Variants in HERC5 observed in about 807,000 individuals in gnomAD.
HERC5 encodes the protein E3 ISG15--protein ligase HERC5.
HERC5 carries 99 observed loss-of-function variants against 119.6 expected under a neutral mutation model. That is an observed-to-expected ratio of 0.83 (90% CI 0.70 to 0.98). The LOEUF is 0.98. Among genes scored for constraint, HERC5 ranks in the 50% least tolerant of loss-of-function variants. HERC5 has a pLI of 0.00. For synonymous variants in HERC5, 478 were observed against 445.9 expected, an observed-to-expected ratio of 1.07 and a Z score of -0.91; for missense variants, 1,267 against 1,241.3, an observed-to-expected ratio of 1.02 and a Z score of -0.31.
chr4:88,492,937 C>T (rs1741692445), intron 16 of HERC5, 75 bp from the exon 17 acceptor site: 17 of 1,396,598 alleles, frequency 1.2e-5, no homozygotes, highest in Middle Eastern at 3.6e-4. Flanking sequence ...TAGCTATTTA[C>T]TATTATTAAA....
rs374210638 is a variant in HERC5 at position 88,467,207 on chromosome 4, A to T, written c.1057+3A>T. ...ATCAAGTGAAGAACTCAAACTTGGT[A>T]AATTCTATAGGAACATAGGGTTTGG... On this transcript the variant is annotated splice_donor_region_variant and intron_variant, in intron 7 of 22. Coordinates refer to ENST00000264350, the MANE Select transcript of HERC5 (RefSeq NM_016323.4). 1.9e-6 allele frequency: 3 copies of T among 1,613,876 alleles called. No homozygotes were observed. Among genetic ancestry groups the T allele is most frequent in the Non-Finnish European group, 2.5e-6 (3 of 1,179,900 alleles).
At chr4:88,469,674 T>C (rs1265678848) in intron 9 of HERC5, among the ~76,000 whole-genome samples, 1 of 152,212 alleles carries the variant, frequency 6.6e-6, no homozygotes, top group Non-Finnish European at 1.5e-5. Context: ...TTATGGAAGG[T>C]CCTTTCTTTT....
At chr4:88,498,383 C>A (rs896905860) in intron 18 of HERC5, among the ~76,000 whole-genome samples, 3 of 152,154 alleles carry the variant, frequency 2.0e-5, no homozygotes, top group African/African-American at 7.2e-5. Context: ...CTTAGGAGCC[C>A]AACCCCAAAC....
At position 88,484,424 on chromosome 4, in the gene HERC5, TTCTGCCAG is replaced by T. The variant is rs374330750; in HGVS notation, c.1738-1690_1738-1683del. On this transcript the variant is annotated intron_variant, in intron 13 of 22. Transcript: ENST00000264350. The stretch of plus-strand genomic sequence containing the variant: ...CTGGCTTTCTTCGCAGAGAATTTTC[TTCTGCCAG>T]GCTCCTAGAGATACCACCAGTTTGG... Among the ~76,000 whole-genome samples, 610 of 152,342 alleles carry T rather than the reference TTCTGCCAG, an allele frequency of 4.0e-3. 3 individuals are homozygous for T. Among genetic ancestry groups the T allele is most frequent in the Middle Eastern group, 0.02 (6 of 294 alleles).
intron 6 of HERC5, among the ~76,000 whole-genome samples, chr4:88,464,191 T>A (rs1002788252): frequency 1.2e-4 from 17 of 141,026 alleles, no homozygotes; most frequent in South Asian, 2.4e-4. Flanking sequence ...TTTTTTTTTT[T>A]AAATGAGCAG....
chr4:88,505,169 C>A (rs1742068218), intron 22 of HERC5, among the ~76,000 whole-genome samples: 1 of 152,212 alleles, frequency 6.6e-6, no homozygotes, highest in African/African-American at 2.4e-5. Context: ...ATCCCATTGT[C>A]TGAACACTCC....
chr4:88,500,968 T>A lies in HERC5; in HGVS notation c.2565T>A (p.Thr855=). The A allele has an allele frequency of 6.2e-7, 1 of 1,611,124 alleles. No homozygotes were observed. Among genetic ancestry groups the A allele is most frequent in the Non-Finnish European group, 8.5e-7 (1 of 1,178,804 alleles). The part of the protein sequence containing the change: ...TNLIPNGSSI[T]VNQTNKRDYV... ...TAATTCCTAATGGAAGTAGCATAAC[T>A]GTCAACCAGACTAACAAGTAGGTAC... Residue 855 remains threonine (T), a synonymous_variant, in exon 20 of 23, where the codon ACT becomes ACA. Coordinates refer to ENST00000264350, the MANE Select transcript of HERC5 (RefSeq NM_016323.4).
chr4:88,494,996 T>C (rs914568139), intron 18 of HERC5, among the ~76,000 whole-genome samples: 70 of 152,314 alleles, frequency 4.6e-4, no homozygotes, highest in African/African-American at 1.7e-3. Flanking sequence ...CGTGGAAATA[T>C]AAATTGGTAC....
At chr4:88,505,588 T>G in intron 22 of HERC5, 85 bp from the exon 23 acceptor site, 1 of 780,518 alleles carries the variant, frequency 1.3e-6, no homozygotes, top group Non-Finnish European at 2.1e-6. Flanking sequence ...CCAGTGAAGT[T>G]TTGTGAATAA....
At chr4:88,494,476 G>T in intron 18 of HERC5, 145 bp downstream of exon 18, 2 of 696,294 alleles carry the variant, frequency 2.9e-6, no homozygotes, top group South Asian at 1.9e-5. Flanking sequence ...AAGAATTGTT[G>T]GATGATAATT....
At chr4:88,457,749 G>T in intron 1 of HERC5, 1 of 649,788 alleles carries the variant, frequency 1.5e-6, no homozygotes, top group East Asian at 3.5e-5. Context: ...CTGGCGACCA[G>T]CGGATCCTCC....
At chr4:88,467,819 T>C in intron 7 of HERC5, 1 of 889,838 alleles carries the variant, frequency 1.1e-6, no homozygotes. Flanking sequence ...CACTCCATTG[T>C]AGAAGCACCT....
rs1417166219 is a variant in HERC5, at chr4:88,457,448, C to T, written c.179C>T (p.Pro60Leu). 8.2e-6 allele frequency: 11 copies of T among 1,348,886 alleles called. No homozygotes were observed. The highest frequency in any genetic ancestry group is 1.0e-5 in the Non-Finnish European group (11 of 1,053,796). The allele number at this position is 1,348,886 out of a possible 1,614,324, so 83.6% of individuals were successfully genotyped here. A position where few individuals can be genotyped will look rare whatever the true frequency, so the allele number is the denominator to read the frequency against. Residue 60 changes from proline to leucine, a missense_variant, in exon 1 of 23, where the codon CCG (proline) becomes CTG (leucine). Transcript: ENST00000264350. ...VEVTRQLCCS[P>L]GRLAVLERGG... ...GTGACGCGCCAACTCTGCTGCTCGC[C>T]GGGGCGCCTCGCGGTCTTGGAACGC... is the stretch of plus-strand genomic sequence containing the variant.
chr4:88,484,079 CT>C (rs1741377399), intron 13 of HERC5, among the ~76,000 whole-genome samples: 1 of 152,138 alleles, frequency 6.6e-6, no homozygotes, highest in Non-Finnish European at 1.5e-5. Flanking sequence ...CATGAATTCT[CT>C]TTTCAGATAT....
At chr4:88,468,217 G>C in intron 7 of HERC5, 129 bp from the exon 8 acceptor site, 1 of 652,186 alleles carries the variant, frequency 1.5e-6, no homozygotes, top group Non-Finnish European at 2.5e-6. Flanking sequence ...GGCAGAAAAT[G>C]TACTAAGTTT....
chr4:88,498,653 C>A (rs929664667), intron 18 of HERC5, among the ~76,000 whole-genome samples: 3 of 152,182 alleles, frequency 2.0e-5, no homozygotes, highest in Admixed American at 2.0e-4. Flanking sequence ...TCACTGCAAC[C>A]TCCACCTCCC....
intron 13 of HERC5, among the ~76,000 whole-genome samples, chr4:88,485,720 G>C (rs1462773962): frequency 1.3e-5 from 2 of 152,094 alleles, no homozygotes; most frequent in South Asian, 4.2e-4. Context: ...CTCTCGGTAG[G>C]GGAATGTTCC....
intron 9 of HERC5, 43 bp downstream of exon 9, chr4:88,469,303 A>G: frequency 7.5e-7 from 1 of 1,336,170 alleles, no homozygotes; most frequent in Non-Finnish European, 1.1e-6. Flanking sequence ...ATCACTCTCA[A>G]GTATCATTTC....
At chr4:88,458,007 C>T in intron 1 of HERC5, 6 of 987,810 alleles carry the variant, frequency 6.1e-6, no homozygotes, top group Non-Finnish European at 7.2e-6. Context: ...TAGTTGCCCG[C>T]GTTCTTTAAA....
Sources: gnomAD v4.1 joint callset for allele counts (sites outside exome capture counted in the v4.1 genomes callset) on GRCh38, gnomAD v4.1.1 for gene constraint, MANE v1.5 for transcripts, NCBI Gene and HGNC (gene_info 2026-07-23, HGNC 2026-07-21) for gene names.